The following MFNG variants were observed in gnomAD, a reference collection of about 807,000 sequenced individuals.
MFNG encodes MFNG O-fucosylpeptide 3-beta-N-acetylglucosaminyltransferase.
A neutral mutation model predicts 34.2 loss-of-function variants in MFNG; 24 were observed. The ratio of observed to expected loss-of-function variants is 0.70; its 90% CI spans 0.51 to 0.99. The LOEUF is 0.99. Among genes scored for constraint, MFNG ranks in the 50% least tolerant of loss-of-function variants. The pLI is 0.00. For synonymous variants in MFNG, 158 were observed against 179.2 expected (o/e 0.88, Z 0.94); for missense variants, 383 against 424.0 (o/e 0.90, Z 0.85).
intron 1 of MFNG, among the ~76,000 whole-genome samples, chr22:37,481,923 G>C (rs115642388): frequency 0.011 from 1,694 of 152,350 alleles, 25 homozygotes; most frequent in African/African-American, 0.038. Context: ...CAGATCAGAA[G>C]AGTCCCCGCC....
Position 37,482,639 on chromosome 22 carries a change from G to A in MFNG, c.256-1870C>T, listed in dbSNP as rs1486670641. Among the ~76,000 whole-genome samples, 2 of 152,012 alleles carry A rather than the reference G, an allele frequency of 1.3e-5. No individual in the cohort carries two copies. Among genetic ancestry groups the A allele is most frequent in the African/African-American group, 2.4e-5 (1 of 41,376 alleles). ...TGTTCCTCAGCCCTCTGTTTCTCCT[G>A]TCACTAACAGCAGTTAGCAAAACTC... is the stretch of plus-strand genomic sequence containing the variant. On this transcript the variant is annotated intron_variant, in intron 1 of 7. Transcript: ENST00000356998. This position sits in a 1 kb window ranked among gnomAD's most constrained non-coding sequence, Gnocchi z 4.1.
At position 37,479,382 on chromosome 22, in the gene MFNG, G is replaced by A; in HGVS notation, c.524C>T (p.Pro175Leu). 1 of 1,605,418 alleles carries A rather than the reference G, an allele frequency of 6.2e-7. No individual in the cohort carries two copies. The highest frequency in any genetic ancestry group is 8.5e-7 in the Non-Finnish European group (1 of 1,175,784). The change falls in exon 4 of 8, where the codon CCC (proline) becomes CTC (leucine). Residue 175 changes from proline to leucine, a missense_variant. Coordinates refer to ENST00000356998, the MANE Select transcript of MFNG (RefSeq NM_002405.4). ...GGGCTGTGGCTCTGAGGCATGGATG[G>A]GCCGGTTCAGGCTGGGCCTTCCCAC... ...VYVGRPSLNRPIHASEPQPHN... is the reference protein window; with the variant it reads ...VYVGRPSLNRLIHASEPQPHN...
intron 7 of MFNG, 32 bp downstream of exon 7, chr22:37,472,411 C>A: frequency 6.6e-7 from 1 of 1,521,168 alleles, no homozygotes; most frequent in South Asian, 1.2e-5. Context: ...GCCCCCACTC[C>A]TCCCATCCAA....
chr22:37,477,604 G>A (rs1027837592), intron 4 of MFNG, among the ~76,000 whole-genome samples: 3 of 152,088 alleles, frequency 2.0e-5, no homozygotes, highest in Non-Finnish European at 2.9e-5. Flanking sequence ...GCGCCACCAC[G>A]CCCAACTAAT....
At chr22:37,471,779 C>T (rs1184100089) in intron 7 of MFNG, among the ~76,000 whole-genome samples, 3 of 137,000 alleles carry the variant, frequency 2.2e-5, no homozygotes, top group East Asian at 2.3e-4. Context: ...TGCAGTGAGT[C>T]GAGATCGCAC....
Position 37,472,447 on chromosome 22 carries a change from A to T in MFNG, c.895T>A (p.Ser299Thr), listed in dbSNP as rs1245277474. The T allele has an allele frequency of 1.3e-6, 2 of 1,580,526 alleles. No homozygotes were observed. The highest frequency in any genetic ancestry group is 2.8e-5 in the African/African-American group (2 of 72,162). The change falls in exon 7 of 8, where the codon TCC (serine) becomes ACC (threonine). Residue 299 changes from serine (S) to threonine (T), a missense_variant. Ser to Thr is a moderately conservative substitution (Grantham distance 58). Coordinates refer to ENST00000356998, the MANE Select transcript of MFNG (RefSeq NM_002405.4). ...GGTTCCAGCCCCCAGACCCACCTGG[A>T]GGGGTCCTCCTCCGGGGAGAAGGGG... ...QGPFSPEEDP[S>T]RFRSLHCLLY...
At chr22:37,480,547 G>A (rs558852223) in intron 2 of MFNG, among the ~76,000 whole-genome samples, 174 bp downstream of exon 2, 13 of 152,144 alleles carry the variant, frequency 8.5e-5, no homozygotes, top group South Asian at 2.1e-4. Context: ...CCATACCCAC[G>A]CCCACACCAG....
At position 37,485,080 on chromosome 22, in the gene MFNG, G is replaced by A. The variant is rs73166441; in HGVS notation, c.255+843C>T. Among the ~76,000 whole-genome samples the A allele has an allele frequency of 0.075, 11,341 of 152,214 alleles. 596 individuals carry two copies. The highest frequency in any genetic ancestry group is 0.26 in the East Asian group (1,330 of 5,160). On this transcript the variant is annotated intron_variant, in intron 1 of 7. Transcript: ENST00000356998. This position sits in a 1 kb window ranked among gnomAD's most constrained non-coding sequence, Gnocchi z 5.3. Reference sequence around the variant, plus strand: ...TTAAGGAAGATACTGGATGCGAGGAGGGAAAGGGCTGGAAGGGACTTGGCT... The same window carrying A: ...TTAAGGAAGATACTGGATGCGAGGAAGGAAAGGGCTGGAAGGGACTTGGCT...
chr22:37,478,360 G>A (rs1922132996), intron 4 of MFNG, among the ~76,000 whole-genome samples: 1 of 152,110 alleles, frequency 6.6e-6, no homozygotes, highest in South Asian at 2.1e-4. Context: ...GGGGTCCTGG[G>A]GACAGGGAGA....
In MFNG at chr22:37,469,560, C is replaced by A. The variant is rs1047587144; in HGVS notation, c.*403G>T. 3 of 347,110 alleles carry A rather than the reference C, an allele frequency of 8.6e-6. No homozygotes were observed. Among genetic ancestry groups the A allele is most frequent in the Non-Finnish European group, 1.7e-5 (3 of 175,956 alleles). The allele number at this position is 347,110 out of a possible 1,614,324, so 21.5% of individuals were successfully genotyped here. On this transcript the variant is annotated 3_prime_UTR_variant, in exon 8 of 8. Transcript: ENST00000356998. Reference sequence around the variant, plus strand: ...AGGGAGGCAGGAGTGGGCGGCCCAGCGCTTGAGCCCCAGGGGAATGACTGA... The same window carrying A: ...AGGGAGGCAGGAGTGGGCGGCCCAGAGCTTGAGCCCCAGGGGAATGACTGA...
Position 37,483,884 on chromosome 22 carries a change from C to T in MFNG, c.255+2039G>A, listed in dbSNP as rs180798688. 6.6e-5 allele frequency among the ~76,000 whole-genome samples: 10 copies of T among 152,312 alleles called. No homozygotes were observed. In the South Asian group the frequency reaches 1.5e-3, roughly 22 times the overall value. On this transcript the variant is annotated intron_variant, in intron 1 of 7. Coordinates refer to ENST00000356998, the MANE Select transcript of MFNG (RefSeq NM_002405.4). This position sits in a 1 kb window ranked among gnomAD's most constrained non-coding sequence, Gnocchi z 4.5. ...GCACAGGAGAGGGCAGTGAGGCTGG[C>T]GCTTTCAGTCCCTGGGAATCCTAAG...
chr22:37,475,183 A>G (rs1266238502), intron 5 of MFNG, among the ~76,000 whole-genome samples: 1 of 152,114 alleles, frequency 6.6e-6, no homozygotes, highest in Non-Finnish European at 1.5e-5. Flanking sequence ...CGGGCTTTCC[A>G]GAGGAGGTGG....
At chr22:37,476,318 A>G (rs930508262) in intron 5 of MFNG, among the ~76,000 whole-genome samples, 1 of 151,302 alleles carries the variant, frequency 6.6e-6, no homozygotes, top group Non-Finnish European at 1.5e-5. Flanking sequence ...GAGTAATATC[A>G]TCTCCCTTAG....
At chr22:37,470,296 C>A (rs79125783) in intron 7 of MFNG, among the ~76,000 whole-genome samples, 3,384 of 152,264 alleles carry the variant, frequency 0.022, 124 homozygotes, top group African/African-American at 0.078. Context: ...CATTGCCAGA[C>A]GTCCCCTAAG....
rs9610770 is a variant in MFNG, at chr22:37,482,433, A to T, written c.256-1664T>A. Among the ~76,000 whole-genome samples the T allele has an allele frequency of 7.7e-6, 1 of 129,430 alleles. No homozygotes were observed. The highest frequency in any genetic ancestry group is 7.3e-5 in the Admixed American group (1 of 13,636). The allele number at this position is 129,430 out of a possible 152,430, so 84.9% of individuals were successfully genotyped here. A position where few individuals can be genotyped will look rare whatever the true frequency, so the allele number is the denominator to read the frequency against. On this transcript the variant is annotated intron_variant, in intron 1 of 7. Coordinates refer to ENST00000356998, the MANE Select transcript of MFNG (RefSeq NM_002405.4). This position sits in a 1 kb window ranked among gnomAD's most constrained non-coding sequence, Gnocchi z 4.1. The stretch of plus-strand genomic sequence containing the variant: ...TTCTCTCTCTGTCTCTCTCTCTCAC[A>T]CACACACACGCACACACACGCACGC...
In MFNG at chr22:37,479,350, G is replaced by A. The variant is rs373720662; in HGVS notation, c.556C>T (p.Arg186Cys). 5.3e-5 allele frequency: 84 copies of A among 1,579,202 alleles called. No individual in the cohort carries two copies. Among genetic ancestry groups the A allele is most frequent in the Non-Finnish European group, 6.5e-5 (75 of 1,162,640 alleles). The change falls in exon 4 of 8, where the codon CGC becomes TGC. Residue 186 changes from arginine (R) to cysteine (C), a missense_variant. Coordinates refer to ENST00000356998, the MANE Select transcript of MFNG (RefSeq NM_002405.4). ...IHASEPQPHNRTRLVQFWFAT... is the reference protein window; with the variant it reads ...IHASEPQPHNCTRLVQFWFAT... ...GGAGGAGGAGAGGGACCCACCGTGC[G>A]GTTGTGGGGCTGTGGCTCTGAGGCA...
intron 2 of MFNG, 128 bp from the exon 3 acceptor site, chr22:37,480,427 G>C (rs1922241645): frequency 2.7e-6 from 2 of 749,212 alleles, no homozygotes; most frequent in Non-Finnish European, 4.4e-6. Flanking sequence ...TTTTACACAT[G>C]GTAGGACTGA....
At position 37,486,174 on chromosome 22, in the gene MFNG, G is replaced by T. The variant is rs1361985381; in HGVS notation, c.4C>A (p.Gln2Lys). 6.4e-7 allele frequency: 1 copy of T among 1,564,636 alleles called. No individual in the cohort carries two copies. Among genetic ancestry groups the T allele is most frequent in the Non-Finnish European group, 8.7e-7 (1 of 1,153,348 alleles). The stretch of plus-strand genomic sequence containing the variant: ...GCCAGGCCCCGCGGGAGCCGGCACT[G>T]CATTGGTTGGCCCTGGGACCCCAGA... MQCRLPRGLAGA... is the reference protein window; with the variant it reads MKCRLPRGLAGA... The change falls in exon 1 of 8, where the codon CAG becomes AAG. Residue 2 changes from glutamine (Q) to lysine (K), a missense_variant. By Grantham distance (53) the Gln-to-Lys change is moderately conservative (BLOSUM62 1). Transcript: ENST00000356998.
At position 37,474,547 on chromosome 22, in the gene MFNG, G is replaced by C; in HGVS notation, c.778C>G (p.Leu260Val). 6.2e-7 allele frequency: 1 copy of C among 1,614,138 alleles called. No individual in the cohort carries two copies. The highest frequency in any genetic ancestry group is 8.5e-7 in the Non-Finnish European group (1 of 1,180,004). ...SPLFHSHLET[L>V]QLLRTAQLPE... ...AGCTGTGCAGTCCTCAGCAGCTGCA[G>C]GGTCTCCAGGTGGGAGTGAAAGAGG... Residue 260 changes from leucine to valine, a missense_variant, in exon 6 of 8, where the codon CTG (leucine) becomes GTG (valine). Physicochemically the swap from Leu to Val is conservative, Grantham distance 32. Coordinates refer to ENST00000356998, the MANE Select transcript of MFNG (RefSeq NM_002405.4).
Sources: allele counts gnomAD v4.1 joint callset (sites outside exome capture counted in the v4.1 genomes callset), GRCh38; gene constraint gnomAD v4.1.1; non-coding constraint Gnocchi (gnomAD v3.1); transcripts MANE v1.5; gene names NCBI Gene and HGNC (gene_info 2026-07-23, HGNC 2026-07-21).